UTRN: variants seen among roughly 807,000 people sequenced by gnomAD.
UTRN encodes utrophin, also known as dystrophin-related protein 1.
A neutral mutation model predicts 463.9 loss-of-function variants in UTRN; 283 were observed. The observed-to-expected ratio is 0.61, with a 90% CI of 0.55 to 0.67. The LOEUF is 0.67. Ranked by LOEUF, UTRN falls within the 30% of genes least tolerant of loss-of-function variation. UTRN has a pLI of 0.00. For synonymous variants in UTRN, 1,442 were observed against 1,431.5 expected (o/e 1.01, Z -0.17); for missense variants, 3,922 against 4,084.3 (o/e 0.96, Z 1.08).
In UTRN at chr6:144,577,264, C is replaced by T; in HGVS notation, c.7455C>T (p.Ala2485=). The change falls in exon 51 of 75, where the codon GCC becomes GCT. Residue 2485 remains alanine, a synonymous_variant. Coordinates refer to ENST00000367545, the MANE Select transcript of UTRN (RefSeq NM_007124.3). ...RENALQDSIL[A]RELKQQMQDI... ...ATGCTCTTCAGGATAGTATCTTGGC[C>T]AGGGAACTCAAACAGCAGATGCAGG... The T allele has an allele frequency of 6.2e-7, 1 of 1,613,760 alleles. No individual in the cohort carries two copies. Among genetic ancestry groups the T allele is most frequent in the Non-Finnish European group, 8.5e-7 (1 of 1,179,828 alleles).
At chr6:144,388,377 A>G (rs1004511636) in intron 2 of UTRN, among the ~76,000 whole-genome samples, 3 of 151,384 alleles carry the variant, frequency 2.0e-5, no homozygotes, top group African/African-American at 7.3e-5. Flanking sequence ...CAGTGGCACA[A>G]CCATAGCTTA....
chr6:144,649,641 T>C (rs557359380), intron 51 of UTRN, among the ~76,000 whole-genome samples: 16 of 152,338 alleles, frequency 1.1e-4, no homozygotes, highest in African/African-American at 3.6e-4. Context: ...ATTTTAAATC[T>C]GTAAGCCGGG....
At chr6:144,651,684 G>A (rs1408135019) in intron 51 of UTRN, among the ~76,000 whole-genome samples, 1 of 152,220 alleles carries the variant, frequency 6.6e-6, no homozygotes, top group Admixed American at 6.5e-5. Context: ...AGGAAGTTAT[G>A]TTCTGATGAC....
At chr6:144,600,755 A>G (rs1163338677) in intron 51 of UTRN, among the ~76,000 whole-genome samples, 1 of 152,254 alleles carries the variant, frequency 6.6e-6, no homozygotes, top group Admixed American at 6.5e-5. Context: ...ACACTAAACA[A>G]CAAATTTTCA....
intron 46 of UTRN, among the ~76,000 whole-genome samples, chr6:144,546,358 T>C (rs143217549): frequency 0.011 from 1,717 of 152,310 alleles, 11 homozygotes; most frequent in Non-Finnish European, 0.019. Flanking sequence ...TAAAAATTAT[T>C]GAGGACCCTC....
At chr6:144,696,476 C>T (rs891509771) in intron 52 of UTRN, among the ~76,000 whole-genome samples, 16 of 152,156 alleles carry the variant, frequency 1.1e-4, no homozygotes, top group African/African-American at 2.4e-4. Flanking sequence ...ATTGGAATCA[C>T]GGCTTTGGTG....
intron 50 of UTRN, among the ~76,000 whole-genome samples, chr6:144,571,729 C>T (rs1800958654): frequency 6.6e-6 from 1 of 152,146 alleles, no homozygotes; most frequent in Non-Finnish European, 1.5e-5. Flanking sequence ...GTTTGTTTTA[C>T]CTGAAATTAA....
chr6:144,536,449 T>C (rs1346278540), intron 43 of UTRN, among the ~76,000 whole-genome samples: 1 of 152,168 alleles, frequency 6.6e-6, no homozygotes, highest in Non-Finnish European at 1.5e-5. Context: ...GCTGTATTTA[T>C]TTATTTTTAA....
At chr6:144,666,218 GTGCATCAT>G (rs1446425276) in intron 51 of UTRN, among the ~76,000 whole-genome samples, 1 of 152,170 alleles carries the variant, frequency 6.6e-6, no homozygotes, top group Non-Finnish European at 1.5e-5. Context: ...TTTCAAATCA[GTGCATCAT>G]TGCATAGTGA....
intron 51 of UTRN, among the ~76,000 whole-genome samples, chr6:144,649,044 T>TAACA (rs1363971490): frequency 1.3e-5 from 2 of 152,202 alleles, no homozygotes; most frequent in African/African-American, 4.8e-5. Context: ...AGGTACAGGG[T>TAACA]AACAGTACAG....
chr6:144,763,837 T>G (rs1792976157), intron 58 of UTRN, among the ~76,000 whole-genome samples: 1 of 152,050 alleles, frequency 6.6e-6, no homozygotes, highest in Non-Finnish European at 1.5e-5. Flanking sequence ...CAATGAAAAA[T>G]AAACATAGCT....
intron 69 of UTRN, among the ~76,000 whole-genome samples, chr6:144,831,702 G>A (rs1213776334): frequency 6.6e-6 from 1 of 152,150 alleles, no homozygotes; most frequent in Non-Finnish European, 1.5e-5. Flanking sequence ...GACAGGATAG[G>A]ACTCATGACG....
intron 53 of UTRN, among the ~76,000 whole-genome samples, chr6:144,718,933 A>G (rs1195885880): frequency 6.6e-6 from 1 of 152,182 alleles, no homozygotes; most frequent in Non-Finnish European, 1.5e-5. Context: ...GAAGGGTCAA[A>G]AGGGGTGAGC....
At chr6:144,389,774 T>G (rs1781747347) in intron 2 of UTRN, among the ~76,000 whole-genome samples, 1 of 152,146 alleles carries the variant, frequency 6.6e-6, no homozygotes, top group South Asian at 2.1e-4. Context: ...AATTTTTGTA[T>G]TTTTGCTAGA....
At chr6:144,684,049 CTTT>C (rs751258844) in intron 52 of UTRN, among the ~76,000 whole-genome samples, 5 of 137,266 alleles carry the variant, frequency 3.6e-5, no homozygotes, top group East Asian at 2.1e-4. Flanking sequence ...TGTCCCTTTA[CTTT>C]TTTTTTTTTT....
chr6:144,778,125 G>C (rs1019021321), intron 60 of UTRN, among the ~76,000 whole-genome samples: 1 of 152,142 alleles, frequency 6.6e-6, no homozygotes, highest in Non-Finnish European at 1.5e-5. Flanking sequence ...ATCTAAGAAA[G>C]ACCAAAGGGC....
intron 51 of UTRN, among the ~76,000 whole-genome samples, chr6:144,617,919 A>T (rs1806313088): frequency 6.6e-6 from 1 of 152,156 alleles, no homozygotes. Context: ...TGAAATGGGC[A>T]GTTCAACTAT....
intron 2 of UTRN, among the ~76,000 whole-genome samples, chr6:144,354,212 C>T (rs937539177): frequency 7.2e-5 from 11 of 152,076 alleles, no homozygotes; most frequent in Admixed American, 6.6e-4. Context: ...TAAACTGACA[C>T]CCTGACAATA....
chr6:144,730,954 T>C (rs1305773145), intron 54 of UTRN, among the ~76,000 whole-genome samples: 5 of 151,126 alleles, frequency 3.3e-5, no homozygotes, highest in Non-Finnish European at 7.4e-5. Flanking sequence ...TTAAAAATAA[T>C]ACCCTGTGTG....
Sources: allele counts gnomAD v4.1 joint callset (sites outside exome capture counted in the v4.1 genomes callset), GRCh38; gene constraint gnomAD v4.1.1; transcripts MANE v1.5; gene names NCBI Gene and HGNC (gene_info 2026-07-23, HGNC 2026-07-21).